The following TMTC2 variants were observed in gnomAD, a reference collection of about 807,000 sequenced individuals.
TMTC2 encodes the protein transmembrane O-mannosyltransferase targeting cadherins 2, also known as protein O-mannosyl-transferase TMTC2.
In TMTC2, 43 loss-of-function variants were observed where a neutral mutation model predicts 82.4. That is an observed-to-expected ratio of 0.52 (90% confidence interval 0.41 to 0.67). The LOEUF (loss-of-function observed/expected upper bound fraction) is 0.67, where lower values mean the gene tolerates loss of function less well. TMTC2 is among the 30% of genes least tolerant of loss of function. The pLI is 0.00. For missense variants in TMTC2, 919 were observed against 1,012.4 expected (o/e 0.91, Z 1.25); for synonymous variants, 408 against 381.9 (o/e 1.07, Z -0.80).
chr12:82,934,921 C>T (rs1450270033), intron 4 of TMTC2, among the ~76,000 whole-genome samples: 24 of 151,842 alleles, frequency 1.6e-4, no homozygotes, highest in Non-Finnish European at 1.5e-5. Context: ...TTGTAACTGG[C>T]GTGAGATGGT....
chr12:82,852,414 ATCT>A (rs920272041), intron 1 of TMTC2, among the ~76,000 whole-genome samples: 2 of 152,054 alleles, frequency 1.3e-5, no homozygotes, highest in African/African-American at 2.4e-5. Flanking sequence ...GCCAGAGACT[ATCT>A]TTTTGCTTCA....
chr12:83,096,564 C>T (rs1318007540), intron 11 of TMTC2, among the ~76,000 whole-genome samples: 1 of 152,198 alleles, frequency 6.6e-6, no homozygotes, highest in Admixed American at 6.5e-5. Context: ...GCACATCTTA[C>T]ATGGTGGCAG....
intron 1 of TMTC2, among the ~76,000 whole-genome samples, chr12:82,834,279 T>G (rs1431494243): frequency 6.6e-6 from 1 of 152,228 alleles, no homozygotes; most frequent in East Asian, 1.9e-4. Context: ...GGATTGTGAT[T>G]ATCCGTCTTA....
intron 11 of TMTC2, among the ~76,000 whole-genome samples, chr12:83,102,168 G>A (rs918686851): frequency 1.5e-4 from 23 of 152,246 alleles, no homozygotes; most frequent in African/African-American, 4.8e-4. Flanking sequence ...AAAAAGTTTC[G>A]TTTTGGATAG....
chr12:82,977,124 G>A (rs1157233023), intron 7 of TMTC2, among the ~76,000 whole-genome samples: 2 of 151,926 alleles, frequency 1.3e-5, no homozygotes, highest in Admixed American at 6.6e-5. Context: ...GAGGGAGTTT[G>A]AATAAATCAA....
intron 1 of TMTC2, among the ~76,000 whole-genome samples, chr12:82,752,321 C>A (rs1876054623): frequency 6.6e-6 from 1 of 151,852 alleles, no homozygotes; most frequent in South Asian, 2.1e-4. Flanking sequence ...CCTGACTCTA[C>A]TAAAAATACA....
At chr12:82,895,254 A>C (rs981874863) in intron 2 of TMTC2, among the ~76,000 whole-genome samples, 1 of 152,144 alleles carries the variant, frequency 6.6e-6, no homozygotes, top group Non-Finnish European at 1.5e-5. Flanking sequence ...TAAATTCTGC[A>C]AGGACGGAAC....
rs577848737 is a variant in TMTC2, at chr12:82,999,678, C to G, written c.2070+13632C>G. On this transcript the variant is annotated intron_variant, in intron 8 of 11. Coordinates refer to ENST00000321196, the MANE Select transcript of TMTC2 (RefSeq NM_152588.3). ...GGGAAACTCCCGTTTTTAAAACCATCATATCTCATGAGACTTACCCACCAT... is the reference window on the plus strand; with the variant it reads ...GGGAAACTCCCGTTTTTAAAACCATGATATCTCATGAGACTTACCCACCAT... 2.0e-5 allele frequency among the ~76,000 whole-genome samples: 3 copies of G among 152,280 alleles called. No individual in the cohort carries two copies. The South Asian group carries it at 6.2e-4, about 32-fold the overall frequency.
rs368694403 is a variant in TMTC2 at position 82,896,133 on chromosome 12, G to T, written c.970G>T (p.Ala324Ser). The change falls in exon 3 of 12, where the codon GCC becomes TCC. Residue 324 changes from alanine to serine, a missense_variant. Transcript: ENST00000321196. ...CTTCTATACTGGACTCCTTCTCCTT[G>T]CCTACTATGGTTTGAAGAGCCCGAG... ...VAFYTGLLLL[A>S]YYGLKSPSVD... 6.2e-7 allele frequency: 1 copy of T among 1,613,928 alleles called. No individual in the cohort carries two copies. The highest frequency in any genetic ancestry group is 1.1e-5 in the South Asian group (1 of 91,066).
intron 1 of TMTC2, among the ~76,000 whole-genome samples, chr12:82,741,849 T>C (rs780085752): frequency 6.6e-6 from 1 of 152,168 alleles, no homozygotes; most frequent in Non-Finnish European, 1.5e-5. Flanking sequence ...CTTAGACCTA[T>C]GTGGAGTCCT....
At chr12:82,766,279 G>C (rs997179183) in intron 1 of TMTC2, among the ~76,000 whole-genome samples, 6 of 152,116 alleles carry the variant, frequency 3.9e-5, no homozygotes, top group Non-Finnish European at 7.3e-5. Flanking sequence ...CATAGCAAAG[G>C]CATACTCTTA....
At chr12:83,012,200 A>G (rs1449392437) in intron 8 of TMTC2, among the ~76,000 whole-genome samples, 1 of 152,164 alleles carries the variant, frequency 6.6e-6, no homozygotes, top group Non-Finnish European at 1.5e-5. Flanking sequence ...TGCTGAGAGG[A>G]GACCTTAAAT....
At chr12:82,754,950 A>G (rs1248866878) in intron 1 of TMTC2, among the ~76,000 whole-genome samples, 1 of 152,234 alleles carries the variant, frequency 6.6e-6, no homozygotes, top group Non-Finnish European at 1.5e-5. Context: ...CATCTCAGAA[A>G]AAGGTGTTAT....
At chr12:83,044,615 C>T (rs1333793766) in intron 9 of TMTC2, among the ~76,000 whole-genome samples, 1 of 152,196 alleles carries the variant, frequency 6.6e-6, no homozygotes, top group African/African-American at 2.4e-5. Context: ...AGAAAGGTAT[C>T]ACTAGAGTTC....
chr12:82,766,822 C>T lies in TMTC2; in HGVS notation c.83+79153C>T, dbSNP rs188389466. On this transcript the variant is annotated intron_variant, in intron 1 of 11. Coordinates refer to ENST00000321196, the MANE Select transcript of TMTC2 (RefSeq NM_152588.3). The stretch of plus-strand genomic sequence containing the variant: ...ATTTATTTATTTTGAGACGGAGTCT[C>T]GCTCTGTCACCCAGACAACAGACTA... 4.8e-3 allele frequency among the ~76,000 whole-genome samples: 732 copies of T among 151,982 alleles called. 10 individuals are homozygous for T. The highest frequency in any genetic ancestry group is 0.034 in the Middle Eastern group (10 of 294).
At position 82,896,116 on chromosome 12, in the gene TMTC2, C is replaced by T. The variant is rs752249879; in HGVS notation, c.953C>T (p.Thr318Ile). 1.2e-6 allele frequency: 2 copies of T among 1,613,886 alleles called. No individual in the cohort carries two copies. The highest frequency in any genetic ancestry group is 1.7e-6 in the Non-Finnish European group (2 of 1,180,020). Residue 318 changes from threonine (T) to isoleucine (I), a missense_variant, in exon 3 of 12, where the codon ACT (threonine) becomes ATT (isoleucine). By Grantham distance (89) the Thr-to-Ile change is moderately conservative. Coordinates refer to ENST00000321196, the MANE Select transcript of TMTC2 (RefSeq NM_152588.3). Reference protein sequence around the residue: ...WRNLHTVAFYTGLLLLAYYGL... With the variant: ...WRNLHTVAFYIGLLLLAYYGL... The stretch of plus-strand genomic sequence containing the variant: ...AACCTACACACTGTGGCCTTCTATA[C>T]TGGACTCCTTCTCCTTGCCTACTAT...
chr12:82,688,635 A>G (rs999482442), intron 1 of TMTC2, among the ~76,000 whole-genome samples: 17 of 152,204 alleles, frequency 1.1e-4, no homozygotes, highest in African/African-American at 4.1e-4. Context: ...ATTAGGGATA[A>G]CAGCACGCCT....
intron 1 of TMTC2, chr12:82,760,791 C>A: frequency 8.4e-6 from 3 of 358,378 alleles, no homozygotes; most frequent in South Asian, 2.0e-5. Context: ...CTGTGAACTG[C>A]GCATGTGAGG....
intron 1 of TMTC2, among the ~76,000 whole-genome samples, chr12:82,742,824 A>G (rs1360945562): frequency 6.6e-6 from 1 of 152,132 alleles, no homozygotes; most frequent in Non-Finnish European, 1.5e-5. Context: ...GCTTCCAGCT[A>G]TATCCTGTAT....
Sources: gnomAD v4.1 joint callset for allele counts (sites outside exome capture counted in the v4.1 genomes callset) on GRCh38, gnomAD v4.1.1 for gene constraint, MANE v1.5 for transcripts, NCBI Gene and HGNC (gene_info 2026-07-23, HGNC 2026-07-21) for gene names.